The following THAP12 variants were observed in gnomAD, a reference collection of about 807,000 sequenced individuals.
THAP12 encodes 52 kDa repressor of the inhibitor of the protein kinase.
THAP12 carries 20 observed loss-of-function variants against 63.0 expected under a neutral mutation model. The observed-to-expected ratio is 0.32, with a 90% confidence interval of 0.22 to 0.46. The LOEUF is 0.46. Among genes scored for constraint, THAP12 ranks in the 20% least tolerant of loss-of-function variants. The probability of loss-of-function intolerance (pLI) is 1.00; values close to 1 mark genes in which losing one functional copy is unlikely to be tolerated. For missense variants in THAP12, 568 were observed against 908.2 expected (o/e 0.63, Z 4.81); for synonymous variants, 264 against 328.4 (o/e 0.80, Z 2.12).
chr11:76,356,524 T>A (rs897534775), intron 3 of THAP12: 1 of 152,170 alleles, frequency 6.6e-6, no homozygotes, highest in Non-Finnish European at 1.5e-5. Context: ...GAGCTCCTCA[T>A]CCTGATACAT....
chr11:76,380,893 C>T lies in THAP12; in HGVS notation c.-57G>A, dbSNP rs918910608. On this transcript the variant is annotated 5_prime_UTR_variant, in exon 1 of 5. Coordinates refer to ENST00000260045, the MANE Select transcript of THAP12 (RefSeq NM_004705.4). ...CCCTCCCCGCCTCCTCAGGGCAGTC[C>T]GCCCGCCCGTCGGGGCCGGGGAGGG... is the stretch of plus-strand genomic sequence containing the variant. 4.8e-5 allele frequency: 56 copies of T among 1,177,352 alleles called. No individual in the cohort carries two copies. The highest frequency in any genetic ancestry group is 5.8e-5 in the Non-Finnish European group (54 of 925,366). 72.9% of individuals were successfully genotyped at this position (1,177,352 alleles called of 1,614,324 possible). A position where few individuals can be genotyped will look rare whatever the true frequency, so the allele number is the denominator to read the frequency against.
chr11:76,374,448 A>G (rs1317500637), intron 1 of THAP12, among the ~76,000 whole-genome samples: 2 of 152,042 alleles, frequency 1.3e-5, no homozygotes, highest in African/African-American at 4.8e-5. Flanking sequence ...TTTAAGTATT[A>G]GAGAGCTGTC....
At chr11:76,371,325 C>G (rs1408787048) in intron 1 of THAP12, among the ~76,000 whole-genome samples, 1 of 152,180 alleles carries the variant, frequency 6.6e-6, no homozygotes, top group African/African-American at 2.4e-5. Context: ...CTACACTCTT[C>G]TTGCTGCTTT....
chr11:76,364,630 T>C (rs1446822232), intron 2 of THAP12, among the ~76,000 whole-genome samples: 4 of 152,170 alleles, frequency 2.6e-5, no homozygotes, highest in Non-Finnish European at 5.9e-5. Context: ...ATCTTAGAAC[T>C]CAGGAATTAC....
chr11:76,371,121 G>T (rs1052277632), intron 1 of THAP12, among the ~76,000 whole-genome samples: 1 of 151,968 alleles, frequency 6.6e-6, no homozygotes, highest in East Asian at 1.9e-4. Flanking sequence ...TTTTTACCTG[G>T]TCTACTAGTA....
At chr11:76,354,983 G>T (rs552672701) in intron 4 of THAP12, among the ~76,000 whole-genome samples, 6 of 152,244 alleles carry the variant, frequency 3.9e-5, no homozygotes, top group South Asian at 4.1e-4. Context: ...GCTATTGTGA[G>T]AATTAAATTA....
intron 1 of THAP12, among the ~76,000 whole-genome samples, chr11:76,369,979 G>A (rs1274885868): frequency 3.9e-5 from 6 of 152,334 alleles, no homozygotes; most frequent in African/African-American, 1.4e-4. Context: ...AGCCCTTCTA[G>A]TGAATCTTTA....
intron 1 of THAP12, among the ~76,000 whole-genome samples, chr11:76,377,939 C>G (rs193263265): frequency 1.3e-5 from 2 of 152,310 alleles, no homozygotes; most frequent in East Asian, 3.9e-4. Context: ...CTTTTTGTTG[C>G]TGAATTGTAA....
At chr11:76,352,904 T>C (rs2134498151) in intron 4 of THAP12, 110 bp from the exon 5 acceptor site, 2 of 1,286,834 alleles carry the variant, frequency 1.6e-6, no homozygotes, top group South Asian at 3.4e-5. Context: ...ATTCATTCAA[T>C]ATTCATAGGG....
At chr11:76,357,245 T>C (rs992578493) in intron 3 of THAP12, 1 of 152,184 alleles carries the variant, frequency 6.6e-6, no homozygotes, top group Non-Finnish European at 1.5e-5. Flanking sequence ...GGGAATCAAG[T>C]ATCTGTGGAT....
intron 3 of THAP12, chr11:76,357,137 A>AT (rs1395984257): frequency 6.6e-6 from 1 of 152,230 alleles, no homozygotes; most frequent in African/African-American, 2.4e-5. Flanking sequence ...CAGAACAACT[A>AT]TTTACATAGC....
At chr11:76,355,501 A>T in intron 4 of THAP12, 117 bp downstream of exon 4, 2 of 893,010 alleles carry the variant, frequency 2.2e-6, no homozygotes, top group Non-Finnish European at 1.6e-6. Context: ...AATTGAGCAC[A>T]CTCCTACATT....
Position 76,355,637 on chromosome 11 carries a change from C to G in THAP12, c.336G>C (p.Arg112Ser). 1 of 1,594,274 alleles carries G rather than the reference C, an allele frequency of 6.3e-7. No individual in the cohort carries two copies. Among genetic ancestry groups the G allele is most frequent in the Non-Finnish European group, 8.5e-7 (1 of 1,172,518 alleles). ...ACTTACTTTTTTTCTGTTTCAGTGTCCTGATTTCATCTTCACTCTAAATGT... is the reference window on the plus strand; with the variant it reads ...ACTTACTTTTTTTCTGTTTCAGTGTGCTGATTTCATCTTCACTCTAAATGT... ...RIKELSEDEI[R>S]TLKQKKIDET... Residue 112 changes from arginine to serine, a missense_variant, in exon 4 of 5, where the codon AGG (arginine) becomes AGC (serine). By Grantham distance (110) the Arg-to-Ser change is moderately radical. Transcript: ENST00000260045.
chr11:76,380,736 C>A lies in THAP12; in HGVS notation c.89+12G>T. Reference sequence around the variant, plus strand: ...GTGGGCCCGGGCCGCCCGCTCTGCGCCCGCCGCTTACCTGGCAGGGTCCCG... The same window carrying A: ...GTGGGCCCGGGCCGCCCGCTCTGCGACCGCCGCTTACCTGGCAGGGTCCCG... On this transcript the variant is annotated intron_variant, in intron 1 of 4. Coordinates refer to ENST00000260045, the MANE Select transcript of THAP12 (RefSeq NM_004705.4). 7.0e-7 allele frequency: 1 copy of A among 1,419,176 alleles called. No individual in the cohort carries two copies. The highest frequency in any genetic ancestry group is 9.3e-7 in the Non-Finnish European group (1 of 1,075,948). 87.9% of individuals were successfully genotyped at this position (1,419,176 alleles called of 1,614,324 possible).
rs1946535343 is a variant in THAP12, at chr11:76,352,640, A to G, written c.510T>C (p.Phe170=). ...GCTTTCCCATCAGAATCAAGATTTC[A>G]AATAGAGATTTTAGGTATTCTTTGT... ...KENKEYLKSL[F]EILILMGKQN... The change falls in exon 5 of 5, where the codon TTT becomes TTC. Residue 170 remains phenylalanine (F), a synonymous_variant. Transcript: ENST00000260045. 1.2e-6 allele frequency: 2 copies of G among 1,611,972 alleles called. No individual in the cohort carries two copies. The highest frequency in any genetic ancestry group is 1.7e-6 in the Non-Finnish European group (2 of 1,179,828).
intron 1 of THAP12, among the ~76,000 whole-genome samples, chr11:76,378,906 G>A (rs1443433998): frequency 6.6e-6 from 1 of 152,096 alleles, no homozygotes; most frequent in African/African-American, 2.4e-5. Context: ...ACCATGCCCG[G>A]CCTAGACATC....
At chr11:76,371,109 A>AT (rs1478273751) in intron 1 of THAP12, among the ~76,000 whole-genome samples, 1 of 151,932 alleles carries the variant, frequency 6.6e-6, no homozygotes, top group African/African-American at 2.4e-5. Context: ...AGCTACCATA[A>AT]TTTTTTACCT....
At chr11:76,377,849 C>T (rs954914412) in intron 1 of THAP12, among the ~76,000 whole-genome samples, 8 of 152,220 alleles carry the variant, frequency 5.3e-5, no homozygotes, top group African/African-American at 1.9e-4. Flanking sequence ...TGATGCTCAG[C>T]ATCTTTTCAT....
intron 3 of THAP12, 65 bp downstream of exon 3, chr11:76,360,891 G>C (rs1021999870): frequency 9.6e-7 from 1 of 1,045,888 alleles, no homozygotes; most frequent in African/African-American, 1.6e-5. Context: ...TAACATAAAT[G>C]CATCTGTATT....
Sources: gnomAD v4.1 joint callset for allele counts (sites outside exome capture counted in the v4.1 genomes callset) on GRCh38, gnomAD v4.1.1 for gene constraint, MANE v1.5 for transcripts, NCBI Gene and HGNC (gene_info 2026-07-23, HGNC 2026-07-21) for gene names.